MYO5B: variants seen among roughly 807,000 people sequenced by gnomAD.
MYO5B encodes the protein unconventional myosin-Vb.
In MYO5B, 143 loss-of-function variants were observed where a neutral mutation model predicts 229.3. That is an observed-to-expected ratio of 0.62 (90% CI 0.54 to 0.72). The LOEUF (loss-of-function observed/expected upper bound fraction) is 0.72. Ranked by LOEUF, MYO5B falls within the 30% of genes least tolerant of loss-of-function variation. The pLI is 0.00. For missense variants in MYO5B, 2,321 were observed against 2,331.0 expected (o/e 1.00, Z 0.09); for synonymous variants, 918 against 885.2 (o/e 1.04, Z -0.66).
At chr18:49,999,127 T>C (rs931146642) in intron 5 of MYO5B, among the ~76,000 whole-genome samples, 5 of 152,264 alleles carry the variant, frequency 3.3e-5, no homozygotes, top group African/African-American at 1.2e-4. Context: ...GTTCAGTCTC[T>C]GGAGCTCAAA....
At position 50,023,695 on chromosome 18, in the gene MYO5B, C is replaced by A. The variant is rs553502100; in HGVS notation, c.455+13155G>T. Among the ~76,000 whole-genome samples the A allele has an allele frequency of 4.6e-5, 7 of 152,176 alleles. No homozygotes were observed. In the South Asian group the frequency reaches 1.5e-3, roughly 32 times the overall value. ...GAGAAAAAAGACTAAAAGACCATTCCCAGAATAGTCTGTTCTAGCAGCTGC... is the reference window on the plus strand; with the variant it reads ...GAGAAAAAAGACTAAAAGACCATTCACAGAATAGTCTGTTCTAGCAGCTGC... On this transcript the variant is annotated intron_variant, in intron 4 of 39. Coordinates refer to ENST00000285039, the MANE Select transcript of MYO5B (RefSeq NM_001080467.3).
At chr18:50,104,681 C>T (rs1206169287) in intron 1 of MYO5B, among the ~76,000 whole-genome samples, 5 of 152,152 alleles carry the variant, frequency 3.3e-5, no homozygotes, top group Admixed American at 2.6e-4. Context: ...TCAGACCATG[C>T]GCTCTTACAT....
chr18:50,128,321 GAACA>G (rs2032199690), intron 1 of MYO5B, among the ~76,000 whole-genome samples: 1 of 152,160 alleles, frequency 6.6e-6, no homozygotes, highest in South Asian at 2.1e-4. Flanking sequence ...GGGGGAGAGA[GAACA>G]AACAGGAATG....
At position 50,172,123 on chromosome 18, in the gene MYO5B, C is replaced by T. The variant is rs563565932; in HGVS notation, c.27+22644G>A. Among the ~76,000 whole-genome samples the T allele has an allele frequency of 1.4e-3, 210 of 151,978 alleles. 1 individual carries two copies. The highest frequency in any genetic ancestry group is 4.7e-3 in the African/African-American group (195 of 41,466). On this transcript the variant is annotated intron_variant, in intron 1 of 39. Coordinates refer to ENST00000285039, the MANE Select transcript of MYO5B (RefSeq NM_001080467.3). ...AGGCAAGACCCCATCTCTACAAAAA[C>T]TTTAAAAATTAGCCAGGCATGGTGG...
At chr18:50,136,785 G>A (rs2032343280) in intron 1 of MYO5B, among the ~76,000 whole-genome samples, 1 of 152,060 alleles carries the variant, frequency 6.6e-6, no homozygotes, top group African/African-American at 2.4e-5. Context: ...TCCTACACTT[G>A]GAGAATTATA....
At chr18:50,147,239 A>C (rs2032517877) in intron 1 of MYO5B, among the ~76,000 whole-genome samples, 1 of 151,906 alleles carries the variant, frequency 6.6e-6, no homozygotes, top group South Asian at 2.1e-4. Context: ...TCTTCTTCCA[A>C]CTACCCAAGT....
chr18:49,990,309 G>C (rs1337344514), intron 7 of MYO5B, 130 bp downstream of exon 7: 1 of 742,188 alleles, frequency 1.3e-6, no homozygotes, highest in African/African-American at 1.7e-5. Flanking sequence ...GAGGCCTAGG[G>C]GTTATGGCCA....
At chr18:50,078,302 T>C (rs11877128) in intron 1 of MYO5B, among the ~76,000 whole-genome samples, 14,175 of 152,186 alleles carry the variant, frequency 0.093, 1,217 homozygotes, top group African/African-American at 0.23. Context: ...CATGCTTGAT[T>C]TACATCACTA....
At chr18:49,942,274 T>C (rs960399771) in intron 14 of MYO5B, among the ~76,000 whole-genome samples, 6 of 149,824 alleles carry the variant, frequency 4.0e-5, no homozygotes, top group African/African-American at 9.8e-5. Flanking sequence ...GACATAGGCA[T>C]GGGCAAGGAC....
At chr18:49,926,007 T>C (rs769790174) in intron 17 of MYO5B, among the ~76,000 whole-genome samples, 3 of 151,938 alleles carry the variant, frequency 2.0e-5, no homozygotes, top group East Asian at 3.9e-4. Context: ...ATTAACAGAG[T>C]TGTTAGCTAT....
chr18:50,110,686 G>C (rs1014619396), intron 1 of MYO5B, among the ~76,000 whole-genome samples: 3 of 152,188 alleles, frequency 2.0e-5, no homozygotes. Context: ...ACTGAGGACG[G>C]AAGTTAAGGA....
At chr18:50,090,738 T>C (rs1275282915) in intron 1 of MYO5B, among the ~76,000 whole-genome samples, 1 of 152,234 alleles carries the variant, frequency 6.6e-6, no homozygotes, top group Non-Finnish European at 1.5e-5. Flanking sequence ...TGACCTGCTC[T>C]GCGTTATAAT....
At chr18:50,189,681 C>G (rs1452926904) in intron 1 of MYO5B, among the ~76,000 whole-genome samples, 93 of 152,144 alleles carry the variant, frequency 6.1e-4, no homozygotes, top group Non-Finnish European at 4.4e-5. Flanking sequence ...AACACTGTCA[C>G]CACTTTTTGG....
At chr18:49,846,944 T>C (rs1033670778) in intron 33 of MYO5B, among the ~76,000 whole-genome samples, 3 of 138,220 alleles carry the variant, frequency 2.2e-5, no homozygotes, top group Non-Finnish European at 4.6e-5. Context: ...GAATAGCAGC[T>C]GGACACAGCA....
chr18:49,936,147 T>A (rs2025246879), intron 16 of MYO5B, 105 bp downstream of exon 16: 8 of 913,150 alleles, frequency 8.8e-6, no homozygotes, highest in Non-Finnish European at 1.4e-5. Context: ...GTCCAGGTGG[T>A]CATCATGCTG....
intron 26 of MYO5B, among the ~76,000 whole-genome samples, chr18:49,873,434 T>A (rs1382471483): frequency 3.9e-5 from 6 of 152,142 alleles, no homozygotes; most frequent in Admixed American, 3.9e-4. Context: ...GATCTGAGCA[T>A]CTCCTGTACT....
At chr18:50,097,225 T>C (rs775382410) in intron 1 of MYO5B, 2 of 456,678 alleles carry the variant, frequency 4.4e-6, no homozygotes, top group African/African-American at 4.0e-5. Flanking sequence ...CACCTCCGCA[T>C]CCCTAGAATT....
intron 22 of MYO5B, among the ~76,000 whole-genome samples, chr18:49,885,330 A>C (rs1408433297): frequency 6.6e-6 from 1 of 152,154 alleles, no homozygotes; most frequent in African/African-American, 2.4e-5. Flanking sequence ...GCAAGTGTGC[A>C]ATGGCAGAGG....
chr18:49,994,285 C>T (rs888186100), intron 5 of MYO5B, among the ~76,000 whole-genome samples: 17 of 152,156 alleles, frequency 1.1e-4, no homozygotes, highest in Non-Finnish European at 2.2e-4. Context: ...CTGTAGCACC[C>T]AGTACATGGT....
Sources: gnomAD v4.1 joint callset for allele counts (sites outside exome capture counted in the v4.1 genomes callset) on GRCh38, gnomAD v4.1.1 for gene constraint, MANE v1.5 for transcripts, NCBI Gene and HGNC (gene_info 2026-07-23, HGNC 2026-07-21) for gene names.